ZBTB38: variants seen among roughly 807,000 people sequenced by gnomAD.
ZBTB38 encodes zinc finger and BTB domain-containing protein 38.
In ZBTB38, 20 loss-of-function variants were observed where a neutral mutation model predicts 76.8. That is an observed-to-expected ratio of 0.26 (90% CI 0.18 to 0.38). ZBTB38 has a LOEUF of 0.38. ZBTB38 is among the 10% of genes least tolerant of loss of function. The pLI, the probability that ZBTB38 is intolerant of heterozygous loss-of-function variation, is 1.00. For missense variants in ZBTB38, 1,082 were observed against 1,482.3 expected (o/e 0.73, Z 4.43); for synonymous variants, 504 against 544.2 (o/e 0.93, Z 1.03).
chr3:141,327,688 G>T (rs1257065950), intron 1 of ZBTB38, among the ~76,000 whole-genome samples: 2 of 152,156 alleles, frequency 1.3e-5, no homozygotes, highest in Admixed American at 1.3e-4. Flanking sequence ...TTTAGTTAAT[G>T]ATACTATATC....
At chr3:141,340,949 G>GGAAGGAAAGAAAGAAAGAAAGAAAGAAA (rs747290360) in intron 1 of ZBTB38, among the ~76,000 whole-genome samples, 4 of 111,928 alleles carry the variant, frequency 3.6e-5, no homozygotes, top group African/African-American at 1.2e-4. Context: ...AAAGAAAGAA[G>GGAAGGAAAGAAAGAAAGAAAGAAAGAAA]GAAAGAAAGA....
At position 141,449,193 on chromosome 3, in the gene ZBTB38, C is replaced by T. The variant is rs1243708073; in HGVS notation, c.*3217C>T. ...TCCAAAGCCCATGTTTTTGTTCCTT[C>T]TCAACACTGTAGAGAAAAATCATTT... On this transcript the variant is annotated 3_prime_UTR_variant, in exon 6 of 6. Transcript: ENST00000321464. 2 of 152,120 alleles carry T rather than the reference C, an allele frequency of 1.3e-5. No individual in the cohort carries two copies. Among genetic ancestry groups the T allele is most frequent in the Non-Finnish European group, 2.9e-5 (2 of 68,028 alleles). The allele number at this position is 152,120 out of a possible 1,614,324, so 9.4% of individuals were successfully genotyped here. A position where few individuals can be genotyped will look rare whatever the true frequency, so the allele number is the denominator to read the frequency against.
intron 5 of ZBTB38, among the ~76,000 whole-genome samples, chr3:141,423,617 G>C (rs999995447): frequency 6.6e-6 from 1 of 152,132 alleles, no homozygotes; most frequent in Non-Finnish European, 1.5e-5. Flanking sequence ...CCACAGAAGA[G>C]GAAAGGAAAG....
At chr3:141,368,001 A>T (rs907572505), upstream of ZBTB38, among the ~76,000 whole-genome samples, 1 of 152,220 alleles carries the variant, frequency 6.6e-6, no homozygotes, top group Admixed American at 6.5e-5. Flanking sequence ...CACAGCACAG[A>T]GGCAGAGGAG....
chr3:141,340,949 G>GAAAGAAA (rs1943165885), intron 1 of ZBTB38, among the ~76,000 whole-genome samples: 1 of 111,928 alleles, frequency 8.9e-6, no homozygotes, highest in Non-Finnish European at 1.7e-5. Context: ...AAAGAAAGAA[G>GAAAGAAA]GAAAGAAAGA....
In ZBTB38 at chr3:141,384,998, G is replaced by T. The variant is rs529904139; in HGVS notation, c.-171-1874G>T. 5 of 152,316 alleles carry T rather than the reference G, an allele frequency of 3.3e-5. No individual in the cohort carries two copies. In the East Asian group the frequency reaches 9.6e-4, roughly 29 times the overall value. 9.4% of individuals were successfully genotyped at this position (152,316 alleles called of 1,614,324 possible). A position where few individuals can be genotyped will look rare whatever the true frequency, so the allele number is the denominator to read the frequency against. On this transcript the variant is annotated intron_variant, in intron 3 of 5. Transcript: ENST00000321464. ...TATGCTCTGGGGCAGGAGATAGCAT[G>T]AGAGCTAGAAACAAAAGATCCAGTT...
chr3:141,392,465 C>G (rs774669932), intron 4 of ZBTB38, among the ~76,000 whole-genome samples: 2 of 152,208 alleles, frequency 1.3e-5, no homozygotes. Context: ...AATTGTGTAT[C>G]CTCCCTGTTC....
intron 1 of ZBTB38, among the ~76,000 whole-genome samples, chr3:141,357,827 TTTTA>T (rs1943711279): frequency 6.6e-6 from 1 of 152,222 alleles, no homozygotes; most frequent in Admixed American, 6.5e-5. Flanking sequence ...TCAACTTAGC[TTTTA>T]TTTATTTGTT....
chr3:141,431,081 G>A (rs998516293), intron 5 of ZBTB38, among the ~76,000 whole-genome samples: 3 of 151,962 alleles, frequency 2.0e-5, no homozygotes, highest in Admixed American at 6.6e-5. Context: ...CCAACACTTT[G>A]GGAGGCCGAG....
intron 5 of ZBTB38, among the ~76,000 whole-genome samples, chr3:141,404,269 A>C (rs1411527830): frequency 6.6e-6 from 1 of 152,174 alleles, no homozygotes; most frequent in East Asian, 1.9e-4. Flanking sequence ...TCTGTCAGCA[A>C]TTGTCGTGGG....
chr3:141,340,869 C>G (rs1244915231), intron 1 of ZBTB38, among the ~76,000 whole-genome samples: 1 of 125,852 alleles, frequency 7.9e-6, no homozygotes, highest in East Asian at 2.1e-4. Context: ...TGCACTCCAG[C>G]CTGGGCGACA....
intron 1 of ZBTB38, among the ~76,000 whole-genome samples, chr3:141,347,109 G>A (rs549972517): frequency 1.3e-5 from 2 of 152,220 alleles, no homozygotes; most frequent in East Asian, 1.9e-4. Context: ...TGTTTCAAAC[G>A]CCACACAGTT....
intron 1 of ZBTB38, among the ~76,000 whole-genome samples, chr3:141,330,003 A>G (rs1453461684): frequency 6.6e-6 from 1 of 151,512 alleles, no homozygotes; most frequent in Non-Finnish European, 1.5e-5. Context: ...GTATATATAT[A>G]TCACATATAA....
chr3:141,325,994 C>T (rs1942662252), intron 1 of ZBTB38, among the ~76,000 whole-genome samples: 2 of 152,134 alleles, frequency 1.3e-5, no homozygotes, highest in African/African-American at 4.8e-5. Context: ...ACCACTTGTG[C>T]TGCCATTTAA....
At chr3:141,400,610 T>C (rs1489941950) in intron 4 of ZBTB38, among the ~76,000 whole-genome samples, 1 of 152,232 alleles carries the variant, frequency 6.6e-6, no homozygotes, top group Non-Finnish European at 1.5e-5. Flanking sequence ...ACAGTAGCTA[T>C]GATTCTCACT....
chr3:141,396,617 C>T, intron 4 of ZBTB38: 1 of 183,900 alleles, frequency 5.4e-6, no homozygotes, highest in Non-Finnish European at 1.1e-5. Context: ...TCCATCAGAG[C>T]AATCACTGTC....
intron 5 of ZBTB38, among the ~76,000 whole-genome samples, chr3:141,432,755 TTTAA>T (rs1325074456): frequency 1.3e-5 from 2 of 152,358 alleles, no homozygotes; most frequent in East Asian, 3.9e-4. Flanking sequence ...GGAGAGAAGA[TTTAA>T]TTAAGCTGGA....
intron 1 of ZBTB38, among the ~76,000 whole-genome samples, chr3:141,351,723 A>T (rs893384114): frequency 0.099 from 5,643 of 57,260 alleles, 432 homozygotes; most frequent in African/African-American, 0.47. Context: ...CTGTCTCTTA[A>T]AAAAAAAAAA....
chr3:141,413,956 C>T lies in ZBTB38; in HGVS notation c.-1+9925C>T, dbSNP rs752118123. ...TATATTCTGTGGTAAGGCTTCTCAA[C>T]ACCTGTTCTTCATTAGGACGGAGCA... is the stretch of plus-strand genomic sequence containing the variant. On this transcript the variant is annotated intron_variant, in intron 5 of 5. Coordinates refer to ENST00000321464, the MANE Select transcript of ZBTB38 (RefSeq NM_001376113.1). The surrounding 1 kb of genome is among the most constrained non-coding windows in gnomAD (Gnocchi z 4.1). Among the ~76,000 whole-genome samples, 11 of 152,210 alleles carry T rather than the reference C, an allele frequency of 7.2e-5. No individual in the cohort carries two copies. The highest frequency in any genetic ancestry group is 1.3e-4 in the Non-Finnish European group (9 of 68,034).
Sources: allele counts gnomAD v4.1 joint callset (sites outside exome capture counted in the v4.1 genomes callset), GRCh38; gene constraint gnomAD v4.1.1; non-coding constraint Gnocchi (gnomAD v3.1); transcripts MANE v1.5; gene names NCBI Gene and HGNC (gene_info 2026-07-23, HGNC 2026-07-21).